SOX5: variants seen among roughly 807,000 people sequenced by gnomAD.
SOX5 encodes the protein SRY-box transcription factor 5.
Under a neutral mutation model 92.0 loss-of-function variants are expected in SOX5, and 9 were observed. The ratio of observed to expected loss-of-function variants is 0.10; its 90% CI spans 0.06 to 0.17. The LOEUF (loss-of-function observed/expected upper bound fraction) is 0.17. Ranked by LOEUF, SOX5 falls within the 10% of genes least tolerant of loss-of-function variation. The pLI is 1.00. For missense variants in SOX5, 642 were observed against 944.5 expected (o/e 0.68, Z 4.20); for synonymous variants, 344 against 336.3 (o/e 1.02, Z -0.25).
At chr12:23,744,023 T>C (rs1028471898) in intron 4 of SOX5, among the ~76,000 whole-genome samples, 1 of 152,230 alleles carries the variant, frequency 6.6e-6, no homozygotes, top group Non-Finnish European at 1.5e-5. Context: ...TAGTCCATAC[T>C]CAGTTCAAAC....
chr12:24,224,885 G>T (rs907758889), intron 3 of SOX5, among the ~76,000 whole-genome samples: 7 of 152,150 alleles, frequency 4.6e-5, no homozygotes, highest in South Asian at 4.2e-4. Flanking sequence ...GGCTACATAG[G>T]CTGAATAAAT....
At chr12:24,163,609 G>A (rs574610150) in intron 4 of SOX5, among the ~76,000 whole-genome samples, 2 of 146,654 alleles carry the variant, frequency 1.4e-5, no homozygotes, top group South Asian at 2.2e-4. Context: ...TAGAATACGA[G>A]GATTCTATCA....
intron 6 of SOX5, among the ~76,000 whole-genome samples, chr12:23,717,354 G>T (rs944045959): frequency 1.4e-4 from 22 of 152,134 alleles, no homozygotes; most frequent in African/African-American, 5.1e-4. Flanking sequence ...TTCATTAAGA[G>T]ATGTAGCAAA....
chr12:23,805,817 C>T (rs945006624), intron 3 of SOX5, among the ~76,000 whole-genome samples: 3 of 152,128 alleles, frequency 2.0e-5, no homozygotes, highest in African/African-American at 4.8e-5. Flanking sequence ...TTAACATTTC[C>T]TTCACATTTT....
intron 4 of SOX5, among the ~76,000 whole-genome samples, chr12:23,754,843 A>T (rs2094310973): frequency 6.6e-6 from 1 of 151,848 alleles, no homozygotes; most frequent in African/African-American, 2.4e-5. Flanking sequence ...TCTTAAATGT[A>T]TATTCAGCCT....
intron 4 of SOX5, among the ~76,000 whole-genome samples, chr12:24,201,243 T>C (rs1029766326): frequency 2.0e-5 from 3 of 152,168 alleles, no homozygotes; most frequent in African/African-American, 4.8e-5. Context: ...TTCCACTCCA[T>C]GTTGTGCGCT....
At chr12:24,158,989 G>A (rs1391949647) in intron 4 of SOX5, among the ~76,000 whole-genome samples, 2 of 151,844 alleles carry the variant, frequency 1.3e-5, no homozygotes, top group South Asian at 2.1e-4. Context: ...AAATTACTTC[G>A]AATAGTAGCC....
chr12:23,987,813 G>A (rs985285632), intron 4 of SOX5, among the ~76,000 whole-genome samples: 1 of 151,942 alleles, frequency 6.6e-6, no homozygotes, highest in African/African-American at 2.4e-5. Flanking sequence ...ACATCATGGA[G>A]GATTCTAAGA....
At chr12:24,050,020 G>A (rs1219759923) in intron 4 of SOX5, among the ~76,000 whole-genome samples, 2 of 132,138 alleles carry the variant, frequency 1.5e-5, no homozygotes, top group Non-Finnish European at 3.1e-5. Flanking sequence ...TAGTAAGCAG[G>A]TATGTTTATG....
intron 3 of SOX5, among the ~76,000 whole-genome samples, chr12:23,788,451 G>C (rs897058690): frequency 6.6e-6 from 1 of 151,918 alleles, no homozygotes; most frequent in Non-Finnish European, 1.5e-5. Context: ...AGTAAACTAC[G>C]TGCTTGTAAT....
intron 1 of SOX5, among the ~76,000 whole-genome samples, chr12:24,442,441 G>A (rs1742854426): frequency 6.6e-6 from 1 of 152,144 alleles, no homozygotes; most frequent in African/African-American, 2.4e-5. Context: ...TGAATATATT[G>A]TATATTAGAA....
chr12:24,362,620 A>G (rs550190982), intron 2 of SOX5, among the ~76,000 whole-genome samples: 1 of 152,286 alleles, frequency 6.6e-6, no homozygotes, highest in South Asian at 2.1e-4. Flanking sequence ...CCTTACACAA[A>G]TTAGTGCATA....
At chr12:24,244,048 TAAAAA>T (rs3031151) in intron 3 of SOX5, among the ~76,000 whole-genome samples, 3 of 131,614 alleles carry the variant, frequency 2.3e-5, no homozygotes, top group African/African-American at 5.4e-5. Context: ...GGCATATTGA[TAAAAA>T]AAAAAAAAAA....
At chr12:24,032,888 T>C (rs1955651968) in intron 4 of SOX5, among the ~76,000 whole-genome samples, 2 of 151,950 alleles carry the variant, frequency 1.3e-5, no homozygotes, top group Non-Finnish European at 2.9e-5. Context: ...GGATGAAATA[T>C]AGCAGGTTAT....
At position 24,527,028 on chromosome 12, in the gene SOX5, G is replaced by A. The variant is rs149309561; in HGVS notation, c.-251+35301C>T. Among the ~76,000 whole-genome samples the A allele has an allele frequency of 2.5e-3, 386 of 152,050 alleles. 1 individual carries two copies. Among genetic ancestry groups the A allele is most frequent in the African/African-American group, 8.9e-3 (369 of 41,478 alleles). Reference sequence around the variant, plus strand: ...TCTGCTCTCAAACTCCTGGGCTCAAGCAATCCTCCCACCTCGTCCTCCCAA... The same window carrying A: ...TCTGCTCTCAAACTCCTGGGCTCAAACAATCCTCCCACCTCGTCCTCCCAA... On this transcript the variant is annotated intron_variant, in intron 1 of 4. Coordinates refer to the SOX5 transcript ENST00000446891.
intron 6 of SOX5, among the ~76,000 whole-genome samples, chr12:23,724,381 C>T (rs557747392): frequency 6.6e-6 from 1 of 152,210 alleles, no homozygotes; most frequent in Non-Finnish European, 1.5e-5. Context: ...GTAAGATGAC[C>T]TCTGTAAAAT....
At chr12:24,444,986 A>G (rs2137240551) in intron 1 of SOX5, among the ~76,000 whole-genome samples, 1 of 152,322 alleles carries the variant, frequency 6.6e-6, no homozygotes, top group African/African-American at 2.4e-5. Context: ...ACAACACTAC[A>G]GCAACAATAA....
At chr12:24,027,568 G>T (rs1194125054) in intron 4 of SOX5, among the ~76,000 whole-genome samples, 8 of 151,952 alleles carry the variant, frequency 5.3e-5, no homozygotes, top group Non-Finnish European at 8.8e-5. Flanking sequence ...GGCATAGCAA[G>T]AGGCAGAGTA....
upstream of SOX5, among the ~76,000 whole-genome samples, chr12:23,954,713 A>G (rs922243248): frequency 6.6e-6 from 1 of 152,054 alleles, no homozygotes; most frequent in African/African-American, 2.4e-5. Flanking sequence ...CTACAAATTC[A>G]AGGTTTTTCT....
Sources: allele counts gnomAD v4.1 joint callset (sites outside exome capture counted in the v4.1 genomes callset), GRCh38; gene constraint gnomAD v4.1.1; transcripts MANE v1.5; gene names NCBI Gene and HGNC (gene_info 2026-07-23, HGNC 2026-07-21).